The following GRIN2A variants were observed in gnomAD, a reference collection of about 807,000 sequenced individuals.
GRIN2A encodes the protein glutamate ionotropic receptor NMDA type subunit 2A.
A neutral mutation model predicts 113.4 loss-of-function variants in GRIN2A; 22 were observed. The ratio of observed to expected loss-of-function variants is 0.19; its 90% CI spans 0.14 to 0.28. The LOEUF is 0.28. Ranked by LOEUF, GRIN2A falls within the 10% of genes least tolerant of loss-of-function variation. The probability of loss-of-function intolerance (pLI) is 1.00; values close to 1 mark genes in which losing one functional copy is unlikely to be tolerated. For missense variants in GRIN2A, 1,502 were observed against 1,887.0 expected, an observed-to-expected ratio of 0.80 and a Z score of 3.78; for synonymous variants, 827 against 738.4, an observed-to-expected ratio of 1.12 and a Z score of -1.94.
chr16:9,787,142 T>C (rs777469369), intron 11 of GRIN2A, among the ~76,000 whole-genome samples: 1 of 152,204 alleles, frequency 6.6e-6, no homozygotes, highest in Admixed American at 6.5e-5. Flanking sequence ...ATATATATTC[T>C]CTATTAACAT....
chr16:10,068,942 CAG>C (rs2047699505), intron 2 of GRIN2A, among the ~76,000 whole-genome samples: 1 of 152,088 alleles, frequency 6.6e-6, no homozygotes, highest in Non-Finnish European at 1.5e-5. Flanking sequence ...TCAAAACTGA[CAG>C]AGAGCACAGG....
At chr16:9,945,109 C>T (rs1485741051) in intron 2 of GRIN2A, among the ~76,000 whole-genome samples, 1 of 152,114 alleles carries the variant, frequency 6.6e-6, no homozygotes, top group Non-Finnish European at 1.5e-5. Flanking sequence ...TAGCTTGAGG[C>T]CAGGAGTTTG....
intron 5 of GRIN2A, among the ~76,000 whole-genome samples, chr16:9,841,382 C>T (rs1350696595): frequency 1.3e-5 from 2 of 152,136 alleles, no homozygotes; most frequent in African/African-American, 2.4e-5. Flanking sequence ...ATCTTCATGA[C>T]ATTTTCTGAA....
chr16:10,103,077 T>C (rs1436436557), intron 2 of GRIN2A, among the ~76,000 whole-genome samples: 4 of 152,214 alleles, frequency 2.6e-5, no homozygotes, highest in African/African-American at 9.7e-5. Flanking sequence ...AAGATACTAA[T>C]ATAGCAATTC....
At chr16:10,134,758 C>A (rs1486205039) in intron 2 of GRIN2A, among the ~76,000 whole-genome samples, 1 of 152,080 alleles carries the variant, frequency 6.6e-6, no homozygotes, top group East Asian at 1.9e-4. Context: ...CTGAGTATGT[C>A]ATGGGGATTC....
At chr16:9,935,994 A>G (rs9940328) in intron 3 of GRIN2A, among the ~76,000 whole-genome samples, 2,132 of 152,192 alleles carry the variant, frequency 0.014, 51 homozygotes, top group African/African-American at 0.049. Flanking sequence ...GAGCTACCAC[A>G]CCCAGCCTGC....
Position 9,757,631 on chromosome 16 carries a change from T to G in GRIN2A, c.*5518A>C, listed in dbSNP as rs746452794. On this transcript the variant is annotated 3_prime_UTR_variant, in exon 13 of 13. Transcript: ENST00000330684. ...GGACATTCAGTGAAGTCCTATTAGC[T>G]GGTCAATGTGCTTGGTTCTTCCTCA... The G allele has an allele frequency of 1.0e-4, 23 of 222,312 alleles. No individual in the cohort carries two copies. Among genetic ancestry groups the G allele is most frequent in the Non-Finnish European group, 1.8e-4 (20 of 111,200 alleles). The allele number at this position is 222,312 out of a possible 1,614,324, so 13.8% of individuals were successfully genotyped here. A position where few individuals can be genotyped will look rare whatever the true frequency, so the allele number is the denominator to read the frequency against.
At chr16:9,851,947 A>C (rs2042890015) in intron 4 of GRIN2A, among the ~76,000 whole-genome samples, 1 of 152,208 alleles carries the variant, frequency 6.6e-6, no homozygotes, top group Non-Finnish European at 1.5e-5. Context: ...ACATAACTGA[A>C]CTGTCACCTT....
intron 2 of GRIN2A, among the ~76,000 whole-genome samples, chr16:10,177,509 C>A (rs2050172337): frequency 6.6e-6 from 1 of 152,162 alleles, no homozygotes; most frequent in African/African-American, 2.4e-5. Flanking sequence ...ATTTTTGAAC[C>A]AATGGACCCT....
intron 2 of GRIN2A, among the ~76,000 whole-genome samples, chr16:9,949,094 TC>T (rs1567194853): frequency 6.6e-6 from 1 of 152,166 alleles, no homozygotes; most frequent in Non-Finnish European, 1.5e-5. Context: ...GCCTCCTCTC[TC>T]CCCTCCACCT....
At chr16:9,799,127 T>C (rs1324524584) in intron 10 of GRIN2A, among the ~76,000 whole-genome samples, 2 of 152,208 alleles carry the variant, frequency 1.3e-5, no homozygotes, top group African/African-American at 2.4e-5. Flanking sequence ...GACAAGATAA[T>C]AAATAGTTGA....
Position 9,764,706 on chromosome 16 carries a change from G to A in GRIN2A, c.2838C>T (p.Asn946=), listed in dbSNP as rs145294842. 6 of 1,614,210 alleles carry A rather than the reference G, an allele frequency of 3.7e-6. No individual in the cohort carries two copies. Among genetic ancestry groups the A allele is most frequent in the Non-Finnish European group, 5.1e-6 (6 of 1,180,028 alleles). ...SDKGNLMYSD[N]RSFQGKESIF... is the part of the protein sequence containing the mutation. ...TGCTCTCTTTCCCCTGAAAGGACCT[G>A]TTGTCTGAGTACATCAAATTCCCCT... Residue 946 remains asparagine (N), a synonymous_variant, in exon 13 of 13, where the codon AAC becomes AAT. Transcript: ENST00000330684.
In GRIN2A at chr16:9,772,922, CAAAAAAAAAAA is replaced by C. The variant is rs71400490; in HGVS notation, c.2357-3844_2357-3834del. Among the ~76,000 whole-genome samples the C allele has an allele frequency of 1.7e-4, 18 of 104,984 alleles. 1 individual carries two copies. In the South Asian group the frequency reaches 4.8e-3, roughly 28 times the overall value. The allele number at this position is 104,984 out of a possible 152,430, so 68.9% of individuals were successfully genotyped here. On this transcript the variant is annotated intron_variant, in intron 11 of 12. Transcript: ENST00000330684. Reference sequence around the variant, plus strand: ...AACATGGTAAAGCAGACTTCAATTTCAAAAAAAAAAAAAAAAAAAAAGAGCAAATGCACATT... The same window carrying C: ...AACATGGTAAAGCAGACTTCAATTTCAAAAAAAAAAGAGCAAATGCACATT...
chr16:9,808,912 C>A (rs907096621), intron 10 of GRIN2A, among the ~76,000 whole-genome samples: 1 of 151,684 alleles, frequency 6.6e-6, no homozygotes, highest in African/African-American at 2.4e-5. Flanking sequence ...TCATCCCACC[C>A]CCCCAAAAAA....
intron 3 of GRIN2A, among the ~76,000 whole-genome samples, chr16:9,925,052 C>G (rs1157831898): frequency 6.6e-6 from 1 of 152,118 alleles, no homozygotes; most frequent in Non-Finnish European, 1.5e-5. Context: ...TGCCTGGTAA[C>G]TTTTGATGGG....
chr16:10,181,308 G>A (rs1362851860), intron 1 of GRIN2A, among the ~76,000 whole-genome samples: 2 of 152,228 alleles, frequency 1.3e-5, no homozygotes, highest in Non-Finnish European at 2.9e-5. Flanking sequence ...GGGCCAGCGC[G>A]TAGGAGCTGG....
intron 2 of GRIN2A, among the ~76,000 whole-genome samples, chr16:9,938,939 A>G (rs1484998555): frequency 6.6e-6 from 1 of 152,178 alleles, no homozygotes; most frequent in East Asian, 1.9e-4. Flanking sequence ...ATCAGCAAAG[A>G]CAGTTTTCTA....
intron 4 of GRIN2A, among the ~76,000 whole-genome samples, chr16:9,864,588 A>T (rs1398970502): frequency 1.3e-5 from 2 of 152,180 alleles, no homozygotes; most frequent in African/African-American, 4.8e-5. Flanking sequence ...AACAAGTCAA[A>T]AGCTGATGGA....
At chr16:9,840,561 G>C (rs943071944) in intron 7 of GRIN2A, 86 bp downstream of exon 7, 1 of 1,235,440 alleles carries the variant, frequency 8.1e-7, no homozygotes, top group Non-Finnish European at 1.2e-6. Flanking sequence ...AGCTAAACAA[G>C]TTCCTTTCTG....
Sources: gnomAD v4.1 joint callset for allele counts (sites outside exome capture counted in the v4.1 genomes callset) on GRCh38, gnomAD v4.1.1 for gene constraint, MANE v1.5 for transcripts, NCBI Gene and HGNC (gene_info 2026-07-23, HGNC 2026-07-21) for gene names.